The following SVOPL variants were observed in gnomAD, a reference collection of about 807,000 sequenced individuals.
SVOPL encodes putative transporter SVOPL.
SVOPL carries 60 observed loss-of-function variants against 61.0 expected under a neutral mutation model. That is an observed-to-expected ratio of 0.98 (90% CI 0.80 to 1.22). The LOEUF (loss-of-function observed/expected upper bound fraction) is 1.22, where lower values mean the gene tolerates loss of function less well. SVOPL is among the 50% of genes most tolerant of loss of function. The pLI is 0.00. For synonymous variants in SVOPL, 279 were observed against 250.0 expected (o/e 1.12, Z -1.09); for missense variants, 662 against 643.9 (o/e 1.03, Z -0.30).
intron 14 of SVOPL, among the ~76,000 whole-genome samples, chr7:138,605,640 C>CAAAAAAAAAAAAAAAAAAA (rs1159063438): frequency 2.4e-5 from 2 of 84,290 alleles, no homozygotes; most frequent in Non-Finnish European, 2.3e-5. Context: ...CTAACCTGGG[C>CAAAAAAAAAAAAAAAAAAA]AAAAAAAAAA....
intron 3 of SVOPL, 110 bp from the exon 4 acceptor site, chr7:138,672,227 A>G: frequency 2.1e-6 from 2 of 964,934 alleles, no homozygotes; most frequent in Admixed American, 2.1e-5. Flanking sequence ...GTCCTTCCCC[A>G]TTCAGGGAGG....
At chr7:138,642,845 AAAAAAG>A (rs1800886434) in intron 9 of SVOPL, among the ~76,000 whole-genome samples, 1 of 14,746 alleles carries the variant, frequency 6.8e-5, no homozygotes, top group African/African-American at 1.2e-4. Context: ...AAAAAAAAAA[AAAAAAG>A]AAGAAACAAA....
chr7:138,619,586 A>AAAC (rs1554455923), intron 14 of SVOPL, among the ~76,000 whole-genome samples: 1 of 149,066 alleles, frequency 6.7e-6, no homozygotes, highest in Non-Finnish European at 1.5e-5. Context: ...AAAAAAAAAA[A>AAAC]AAGTGAAAAA....
intron 9 of SVOPL, among the ~76,000 whole-genome samples, chr7:138,630,723 A>C (rs2116925634): frequency 6.6e-6 from 1 of 152,280 alleles, no homozygotes. Flanking sequence ...TGGGCGGATC[A>C]CCTGAGGTCA....
At chr7:138,597,669 T>TGTGTGTGTGTGTG (rs1554449334) in intron 14 of SVOPL, among the ~76,000 whole-genome samples, 2 of 151,574 alleles carry the variant, frequency 1.3e-5, no homozygotes, top group Admixed American at 6.6e-5. Flanking sequence ...TGTGTGTGTG[T>TGTGTGTGTGTGTG]TTTACTGCTG....
chr7:138,639,537 G>C (rs1037456271), intron 9 of SVOPL, among the ~76,000 whole-genome samples: 5 of 151,556 alleles, frequency 3.3e-5, no homozygotes, highest in Admixed American at 2.0e-4. Context: ...CGAGGCAGGA[G>C]AATCGCTTGA....
chr7:138,614,824 C>T (rs746702041), intron 14 of SVOPL, among the ~76,000 whole-genome samples: 13 of 152,192 alleles, frequency 8.5e-5, no homozygotes, highest in Non-Finnish European at 1.8e-4. Context: ...TTGCTCGAGT[C>T]ACAAATGGGC....
At chr7:138,652,760 G>A (rs1801503969) in intron 7 of SVOPL, among the ~76,000 whole-genome samples, 1 of 151,986 alleles carries the variant, frequency 6.6e-6, no homozygotes, top group Admixed American at 6.6e-5. Context: ...AAGTAGCTGG[G>A]ATTACAGGTG....
chr7:138,598,473 TCTAA>T (rs1337415121), intron 14 of SVOPL, among the ~76,000 whole-genome samples: 1 of 152,176 alleles, frequency 6.6e-6, no homozygotes, highest in Non-Finnish European at 1.5e-5. Flanking sequence ...AGCAATGGGA[TCTAA>T]CTGACACTTG....
At chr7:138,680,484 T>C (rs1223078023) in intron 1 of SVOPL, among the ~76,000 whole-genome samples, 2 of 152,020 alleles carry the variant, frequency 1.3e-5, no homozygotes, top group East Asian at 3.9e-4. Flanking sequence ...CATTTAACCC[T>C]AAAAAGGATT....
intron 1 of SVOPL, among the ~76,000 whole-genome samples, chr7:138,687,348 G>A (rs1242981294): frequency 7.1e-6 from 1 of 141,506 alleles, no homozygotes; most frequent in African/African-American, 2.7e-5. Flanking sequence ...TGATTATCCT[G>A]CCTCAGCCTC....
intron 5 of SVOPL, chr7:138,662,123 T>G: frequency 1.0e-6 from 1 of 985,480 alleles, no homozygotes; most frequent in Non-Finnish European, 1.2e-6. Flanking sequence ...GAGCATGGGC[T>G]TCCATTTCTG....
At chr7:138,656,647 T>TATCA in intron 6 of SVOPL, 136 bp from the exon 7 acceptor site, 2 of 862,156 alleles carry the variant, frequency 2.3e-6, no homozygotes, top group Non-Finnish European at 3.6e-6. Flanking sequence ...AAGAGAATTA[T>TATCA]GACAGCTAAT....
chr7:138,609,979 G>A (rs1307771247), intron 14 of SVOPL, among the ~76,000 whole-genome samples: 2 of 152,112 alleles, frequency 1.3e-5, no homozygotes, highest in African/African-American at 4.8e-5. Flanking sequence ...TCCGATGCCT[G>A]CCTCAGCCTC....
rs1801000693 is a variant in SVOPL at position 138,644,640 on chromosome 7, C to T, written c.789+77G>A. On this transcript the variant is annotated intron_variant, in intron 9 of 15. Transcript: ENST00000674285. ...GACTAGAGAACAAGGGTCCCCCCTCCCTCCAGCCTTCCACAACTGAGGGGA... is the reference window on the plus strand; with the variant it reads ...GACTAGAGAACAAGGGTCCCCCCTCTCTCCAGCCTTCCACAACTGAGGGGA... 4 of 1,556,904 alleles carry T rather than the reference C, an allele frequency of 2.6e-6. No homozygotes were observed. The South Asian group carries it at 4.8e-5, about 19-fold the overall frequency.
chr7:138,610,713 G>A (rs371222586), intron 14 of SVOPL, among the ~76,000 whole-genome samples: 3 of 152,252 alleles, frequency 2.0e-5, no homozygotes, highest in East Asian at 1.9e-4. Flanking sequence ...AAACACTAAC[G>A]TAGTTTCTAA....
intron 14 of SVOPL, among the ~76,000 whole-genome samples, chr7:138,606,586 G>C (rs12667717): frequency 0.31 from 46,932 of 151,688 alleles, 7,503 homozygotes; most frequent in Admixed American, 0.4. Flanking sequence ...AAAAACAAAG[G>C]CATCTCCACA....
intron 7 of SVOPL, among the ~76,000 whole-genome samples, chr7:138,651,918 G>A (rs1470612587): frequency 2.0e-5 from 3 of 152,068 alleles, no homozygotes; most frequent in Non-Finnish European, 2.9e-5. Context: ...TTTCTTTACC[G>A]AGACAGGGTC....
At chr7:138,641,698 A>G (rs1800791659) in intron 9 of SVOPL, among the ~76,000 whole-genome samples, 1 of 149,008 alleles carries the variant, frequency 6.7e-6, no homozygotes, top group African/African-American at 2.5e-5. Context: ...AGATAACCTC[A>G]AAATTTATGA....
Sources: allele counts gnomAD v4.1 joint callset (sites outside exome capture counted in the v4.1 genomes callset), GRCh38; gene constraint gnomAD v4.1.1; transcripts MANE v1.5; gene names NCBI Gene and HGNC (gene_info 2026-07-23, HGNC 2026-07-21).